Variants in CSMD3 observed in about 807,000 individuals in gnomAD.
The protein encoded by CSMD3 is CUB and sushi domain-containing protein 3.
CSMD3 carries 177 observed loss-of-function variants against 435.2 expected under a neutral mutation model. That is an observed-to-expected ratio of 0.41 (90% CI 0.36 to 0.46). CSMD3 has a LOEUF of 0.46. Ranked by LOEUF, CSMD3 falls within the 20% of genes least tolerant of loss-of-function variation. The pLI is 0.34. For synonymous variants in CSMD3, 1,656 were observed against 1,520.5 expected, an observed-to-expected ratio of 1.09 and a Z score of -2.07; for missense variants, 4,265 against 4,504.6, an observed-to-expected ratio of 0.95 and a Z score of 1.52.
At chr8:113,176,131 TAA>T (rs1196116580) in intron 3 of CSMD3, among the ~76,000 whole-genome samples, 1 of 152,066 alleles carries the variant, frequency 6.6e-6, no homozygotes, top group African/African-American at 2.4e-5. Flanking sequence ...CTAAAACTGA[TAA>T]AAATTTAGGT....
At position 112,550,087 on chromosome 8, in the gene CSMD3, C is replaced by T. The variant is rs556494323; in HGVS notation, c.4564+584G>A. On this transcript the variant is annotated intron_variant, in intron 27 of 70. Coordinates refer to ENST00000297405, the MANE Select transcript of CSMD3 (RefSeq NM_198123.2). ...TTACAGAACAACATATATTTAGCCA[C>T]TTAGCAGTGCCATGAGAAGAAAAAA... is the stretch of plus-strand genomic sequence containing the variant. Among the ~76,000 whole-genome samples, 293 of 152,138 alleles carry T rather than the reference C, an allele frequency of 1.9e-3. 1 individual carries two copies. Among genetic ancestry groups the T allele is most frequent in the Non-Finnish European group, 2.7e-3 (180 of 67,912 alleles).
intron 2 of CSMD3, among the ~76,000 whole-genome samples, chr8:113,303,364 C>T (rs2132605433): frequency 6.6e-6 from 1 of 150,758 alleles, no homozygotes; most frequent in Non-Finnish European, 1.5e-5. Context: ...TCAATGCCGT[C>T]CCCATCAAGC....
intron 22 of CSMD3, among the ~76,000 whole-genome samples, chr8:112,632,548 A>C (rs2131561820): frequency 6.6e-6 from 1 of 152,188 alleles, no homozygotes; most frequent in African/African-American, 2.4e-5. Context: ...CTAATATTTA[A>C]CTTGCTAATC....
intron 2 of CSMD3, among the ~76,000 whole-genome samples, chr8:113,279,651 A>C (rs919103267): frequency 6.6e-6 from 1 of 151,740 alleles, no homozygotes. Context: ...TTTTAATTTT[A>C]ATCAATGAGA....
At chr8:113,050,126 T>A (rs972250642) in intron 5 of CSMD3, among the ~76,000 whole-genome samples, 5 of 152,088 alleles carry the variant, frequency 3.3e-5, no homozygotes, top group Admixed American at 1.3e-4. Context: ...TTTAAACATA[T>A]GATTTCTAAA....
intron 24 of CSMD3, among the ~76,000 whole-genome samples, chr8:112,569,606 C>T (rs1348291428): frequency 6.6e-6 from 1 of 152,024 alleles, no homozygotes; most frequent in African/African-American, 2.4e-5. Flanking sequence ...CAGACAATGG[C>T]AAGTGTTGCT....
intron 4 of CSMD3, among the ~76,000 whole-genome samples, chr8:113,149,149 A>G (rs1177427042): frequency 2.0e-5 from 3 of 151,668 alleles, no homozygotes; most frequent in African/African-American, 4.8e-5. Context: ...AAATTCCAAA[A>G]TTTTCCATTA....
intron 63 of CSMD3, among the ~76,000 whole-genome samples, chr8:112,249,473 GCTACAC>G (rs1815068618): frequency 6.6e-6 from 1 of 151,996 alleles, no homozygotes; most frequent in African/African-American, 2.4e-5. Context: ...CCGGTTAGGC[GCTACAC>G]TTTGAGAACT....
chr8:112,433,327 T>C (rs1813925098), intron 32 of CSMD3, among the ~76,000 whole-genome samples: 1 of 151,722 alleles, frequency 6.6e-6, no homozygotes, highest in African/African-American at 2.4e-5. Flanking sequence ...GGAAGAGATG[T>C]CTGGGGACAT....
chr8:112,835,438 A>T (rs1261696028), intron 11 of CSMD3, among the ~76,000 whole-genome samples: 2 of 151,824 alleles, frequency 1.3e-5, no homozygotes, highest in Non-Finnish European at 2.9e-5. Context: ...TTTTATTTTG[A>T]CCCTAAAAGT....
intron 22 of CSMD3, among the ~76,000 whole-genome samples, chr8:112,612,985 T>G (rs1833386716): frequency 6.6e-6 from 1 of 151,844 alleles, no homozygotes; most frequent in East Asian, 1.9e-4. Flanking sequence ...TTGCCCAGAC[T>G]CACCTTGAAT....
At chr8:113,290,066 A>G (rs1358638765) in intron 2 of CSMD3, among the ~76,000 whole-genome samples, 2 of 151,796 alleles carry the variant, frequency 1.3e-5, no homozygotes, top group Non-Finnish European at 3.0e-5. Flanking sequence ...CATACAATCT[A>G]TGCCAACAAA....
At chr8:112,516,971 A>T (rs576552725) in intron 28 of CSMD3, 63 bp downstream of exon 28, 3 of 1,259,156 alleles carry the variant, frequency 2.4e-6, no homozygotes, top group Non-Finnish European at 3.5e-6. Flanking sequence ...TCTTAAGAAC[A>T]ATACCAGTTT....
intron 6 of CSMD3, among the ~76,000 whole-genome samples, chr8:113,003,066 C>A (rs2085924990): frequency 6.6e-6 from 1 of 151,762 alleles, no homozygotes; most frequent in South Asian, 2.1e-4. Context: ...ATGGTGAAAC[C>A]CCAACATTTC....
chr8:112,273,447 G>A (rs900403928), intron 59 of CSMD3, among the ~76,000 whole-genome samples: 1 of 151,982 alleles, frequency 6.6e-6, no homozygotes, highest in Admixed American at 6.6e-5. Context: ...TTAAAATTGA[G>A]TTGGACGGTG....
intron 16 of CSMD3, among the ~76,000 whole-genome samples, chr8:112,676,093 G>C (rs141299317): frequency 6.4e-4 from 97 of 152,230 alleles, no homozygotes; most frequent in Non-Finnish European, 1.2e-3. Flanking sequence ...AGCAGGTTTA[G>C]AGTGACGTGG....
chr8:113,125,769 T>C lies in CSMD3; in HGVS notation c.710-26806A>G, dbSNP rs574575337. On this transcript the variant is annotated intron_variant, in intron 4 of 70. Transcript: ENST00000297405. ...GCAACTTGAAAATCATTGGTGGCTTTTAGTCATTGATGAGTTTTGGAGGAC... is the reference window on the plus strand; with the variant it reads ...GCAACTTGAAAATCATTGGTGGCTTCTAGTCATTGATGAGTTTTGGAGGAC... Among the ~76,000 whole-genome samples the C allele has an allele frequency of 2.0e-5, 3 of 152,062 alleles. No individual in the cohort carries two copies. The South Asian group carries it at 6.2e-4, about 32-fold the overall frequency.
rs749290516 is a variant in CSMD3, at chr8:112,517,210, G to T, written c.4580C>A (p.Ala1527Glu). Residue 1527 changes from alanine to glutamate, a missense_variant, in exon 28 of 71, where the codon GCG becomes GAG. Coordinates refer to ENST00000297405, the MANE Select transcript of CSMD3 (RefSeq NM_198123.2). ...AIQFSSSVATACRDPGVPMNG... is the reference protein window; with the variant it reads ...AIQFSSSVATECRDPGVPMNG... ...CATGGGGACCCCTGGGTCACGACAC[G>T]CAGTGGCAACAGAACCTATCAAAAG... The T allele has an allele frequency of 6.2e-7, 1 of 1,613,340 alleles. No individual in the cohort carries two copies. The highest frequency in any genetic ancestry group is 8.5e-7 in the Non-Finnish European group (1 of 1,179,616).
chr8:113,204,492 T>C (rs2092749653), intron 3 of CSMD3, among the ~76,000 whole-genome samples: 1 of 152,124 alleles, frequency 6.6e-6, no homozygotes, highest in Non-Finnish European at 1.5e-5. Flanking sequence ...ATTAATTTAT[T>C]ATTGAAGTAA....
Sources: allele counts gnomAD v4.1 joint callset (sites outside exome capture counted in the v4.1 genomes callset), GRCh38; gene constraint gnomAD v4.1.1; transcripts MANE v1.5; gene names NCBI Gene and HGNC (gene_info 2026-07-23, HGNC 2026-07-21).